Variants in GEMIN8 observed in about 807,000 individuals in gnomAD.
The protein encoded by GEMIN8 is gem-associated protein 8.
For missense variants in GEMIN8, 185 were observed against 205.9 expected (o/e 0.90, Z 0.62); for synonymous variants, 80 against 78.5 (o/e 1.02, Z -0.10).
Position 14,024,463 on chromosome X carries a change from C to T in GEMIN8, c.-34+1677G>A, listed in dbSNP as rs1924563221. Reference sequence around the variant, plus strand: ...GCAGTGAGCTGAGATCGTGCCACTGCACTCCAGCCTGAGTGACAGAGTGAG... The same window carrying T: ...GCAGTGAGCTGAGATCGTGCCACTGTACTCCAGCCTGAGTGACAGAGTGAG... On this transcript the variant is annotated intron_variant, in intron 2 of 4. Coordinates refer to ENST00000680255, the MANE Select transcript of GEMIN8 (RefSeq NM_001042479.2). Among the ~76,000 whole-genome samples, 3 of 110,651 alleles carry T rather than the reference C, an allele frequency of 2.7e-5. No homozygotes were observed. The Admixed American group carries it at 2.9e-4, about 11-fold the overall frequency.
the GEMIN8 span, among the ~76,000 whole-genome samples, chrX:13,987,424 T>A: frequency 9.0e-6 from 1 of 111,693 alleles, no homozygotes; most frequent in Non-Finnish European, 1.9e-5. Context: ...GAGGTAGGGA[T>A]CTGGGCTTTG....
intron 4 of GEMIN8, among the ~76,000 whole-genome samples, chrX:14,016,009 T>A (rs747881808): frequency 1.8e-5 from 2 of 112,229 alleles, no homozygotes; most frequent in Non-Finnish European, 3.8e-5. Context: ...TTGTTCATCC[T>A]GTACTCACCA....
chrX:14,024,367 C>T (rs146575185), intron 2 of GEMIN8, among the ~76,000 whole-genome samples: 4,428 of 111,303 alleles, frequency 0.04, 98 homozygotes, highest in African/African-American at 0.087. Context: ...GGTCTGGTGG[C>T]GCACATCTGT....
intron 2 of GEMIN8, 137 bp from the exon 3 acceptor site, chrX:14,021,648 A>G (rs1375584232): frequency 5.5e-5 from 24 of 433,448 alleles, no homozygotes; most frequent in Non-Finnish European, 9.7e-5. Context: ...CAACCTATCT[A>G]TATGACGTTG....
the GEMIN8 span, among the ~76,000 whole-genome samples, chrX:13,993,208 T>C: frequency 2.7e-5 from 3 of 111,689 alleles, no homozygotes; most frequent in African/African-American, 9.8e-5. Flanking sequence ...ACAGCATCCA[T>C]GGTTTAGCAG....
chrX:14,020,414 C>T lies in GEMIN8; in HGVS notation c.136G>A (p.Val46Met), dbSNP rs376099165. ...CATGGAAGATTGAAACAGGATTCCA[C>T]GGCCTTCCTGTAGGCATTGTGATGG... Reference protein sequence around the residue: ...QSHHNAYRKAVESCFNLPWYL... With the variant: ...QSHHNAYRKAMESCFNLPWYL... The change falls in exon 4 of 5, where the codon GTG becomes ATG. Residue 46 changes from valine (V) to methionine (M), a missense_variant. By Grantham distance (21) the Val-to-Met change is conservative. Transcript: ENST00000680255. The T allele has an allele frequency of 1.2e-5, 15 of 1,203,983 alleles. No homozygotes were observed. The highest frequency in any genetic ancestry group is 1.1e-4 in the African/African-American group (6 of 57,020).
chrX:14,014,934 G>T (rs764439022), intron 4 of GEMIN8, among the ~76,000 whole-genome samples: 8 of 111,449 alleles, frequency 7.2e-5, no homozygotes, highest in Non-Finnish European at 1.1e-4. Flanking sequence ...CTGCCCCGCG[G>T]TGCTCCTCCT....
In GEMIN8 at chrX:14,016,844, CAAAAAAA is replaced by C. The variant is rs1174566527; in HGVS notation, c.472+3227_472+3233del. On this transcript the variant is annotated intron_variant, in intron 4 of 4. Transcript: ENST00000680255. The stretch of plus-strand genomic sequence containing the variant: ...TGGGTGACAGAGTAAGAATCTGTCT[CAAAAAAA>C]AAAAAAAAAAAAAAAATATATATAT... Among the ~76,000 whole-genome samples the C allele has an allele frequency of 4.9e-3, 110 of 22,563 alleles. 3 individuals carry two copies. The East Asian group carries it at 0.07, about 14-fold the overall frequency. The allele number at this position is 22,563 out of a possible 115,157, so 19.6% of individuals were successfully genotyped here.
At chrX:13,990,867 G>A in the GEMIN8 span, among the ~76,000 whole-genome samples, 10 of 111,655 alleles carry the variant, frequency 9.0e-5, no homozygotes, top group South Asian at 3.4e-3. Context: ...TAAGTAGCTA[G>A]GTCTACAGGC....
At position 14,011,516 on chromosome X, in the gene GEMIN8, C is replaced by CTTTTTTTTTT. The variant is rs575651297; in HGVS notation, c.473-2357_473-2348dup. ...TACCCATTACCAATCCTATGGCTCTCTTTTTTTTTTTTTTTTTTTTTTTTT... is the reference window on the plus strand; with the variant it reads ...TACCCATTACCAATCCTATGGCTCTCTTTTTTTTTTTTTTTTTTTTTTTTTTTTTTTTTTT... On this transcript the variant is annotated intron_variant, in intron 4 of 4. Coordinates refer to ENST00000680255, the MANE Select transcript of GEMIN8 (RefSeq NM_001042479.2). Among the ~76,000 whole-genome samples the CTTTTTTTTTT allele has an allele frequency of 1.2e-3, 72 of 60,380 alleles. 6 individuals carry two copies. Among genetic ancestry groups the CTTTTTTTTTT allele is most frequent in the African/African-American group, 4.6e-3 (66 of 14,415 alleles). 52.4% of individuals were successfully genotyped at this position (60,380 alleles called of 115,157 possible).
downstream of GEMIN8, among the ~76,000 whole-genome samples, chrX:14,003,873 T>C (rs1240019029): frequency 2.7e-5 from 3 of 112,581 alleles, no homozygotes; most frequent in East Asian, 8.3e-4. Flanking sequence ...AGTAAACATT[T>C]CCTGTAACAT....
At chrX:14,013,691 G>A (rs1923712913) in intron 4 of GEMIN8, among the ~76,000 whole-genome samples, 1 of 111,499 alleles carries the variant, frequency 9.0e-6, no homozygotes, top group African/African-American at 3.3e-5. Flanking sequence ...GGAACACCAG[G>A]AAACACCAGA....
chrX:14,003,949 C>A (rs146017970), downstream of GEMIN8, among the ~76,000 whole-genome samples: 74 of 111,805 alleles, frequency 6.6e-4, 1 homozygote, highest in African/African-American at 2.2e-3. Context: ...AACTTAGGGG[C>A]CTCCATCAAA....
chrX:14,021,049 T>C (rs1357084316), intron 3 of GEMIN8, among the ~76,000 whole-genome samples: 4 of 111,012 alleles, frequency 3.6e-5, no homozygotes, highest in Non-Finnish European at 7.6e-5. Flanking sequence ...ATGCACCCAA[T>C]AGTGCTTTTA....
intron 4 of GEMIN8, among the ~76,000 whole-genome samples, chrX:14,016,867 ATATAT>A (rs543544645): frequency 0.022 from 890 of 40,865 alleles, 50 homozygotes; most frequent in African/African-American, 0.078. Flanking sequence ...AAAAAAAAAA[ATATAT>A]ATATATATAT....
the GEMIN8 span, among the ~76,000 whole-genome samples, chrX:14,001,335 A>G: frequency 8.9e-6 from 1 of 112,405 alleles, no homozygotes; most frequent in African/African-American, 3.2e-5. Flanking sequence ...ACCCATAACC[A>G]TAAAACAATT....
At chrX:13,991,035 AC>A in the GEMIN8 span, among the ~76,000 whole-genome samples, 4 of 112,834 alleles carry the variant, frequency 3.5e-5, no homozygotes, top group Non-Finnish European at 7.5e-5. Context: ...CCTGGCCTGC[AC>A]TTTGCTTTTT....
At chrX:14,018,420 A>G (rs1346003805) in intron 4 of GEMIN8, among the ~76,000 whole-genome samples, 1 of 112,379 alleles carries the variant, frequency 8.9e-6, no homozygotes, top group Admixed American at 9.5e-5. Context: ...GCTTCCATCC[A>G]TAATTACAAT....
At chrX:13,985,815 A>G in the GEMIN8 span, among the ~76,000 whole-genome samples, 1 of 111,674 alleles carries the variant, frequency 9.0e-6, no homozygotes, top group Non-Finnish European at 1.9e-5. Context: ...ATATCCTAAA[A>G]CAGAAATAAC....
Sources: gnomAD v4.1 joint callset for allele counts (sites outside exome capture counted in the v4.1 genomes callset) on GRCh38, gnomAD v4.1.1 for gene constraint, MANE v1.5 for transcripts, NCBI Gene and HGNC (gene_info 2026-07-23, HGNC 2026-07-21) for gene names.